SPATA17: variants seen among roughly 807,000 people sequenced by gnomAD.
The protein encoded by SPATA17 is spermatogenesis-associated protein 17.
In SPATA17, 53 loss-of-function variants were observed where a neutral mutation model predicts 62.2. That is an observed-to-expected ratio of 0.85 (90% CI 0.68 to 1.07). SPATA17 has a LOEUF of 1.07. Ranked by LOEUF, SPATA17 falls within the 50% of genes least tolerant of loss-of-function variation. SPATA17 has a pLI of 0.00. For missense variants in SPATA17, 466 were observed against 425.5 expected (o/e 1.10, Z -0.84); for synonymous variants, 146 against 146.8 (o/e 0.99, Z 0.04).
chr1:217,745,957 A>G (rs1221165919), intron 6 of SPATA17, among the ~76,000 whole-genome samples: 1 of 152,084 alleles, frequency 6.6e-6, no homozygotes, highest in Non-Finnish European at 1.5e-5. Flanking sequence ...CACACATTTC[A>G]ATCTGAGTGT....
At chr1:217,763,059 C>T (rs1385004300) in intron 6 of SPATA17, among the ~76,000 whole-genome samples, 1 of 152,192 alleles carries the variant, frequency 6.6e-6, no homozygotes, top group African/African-American at 2.4e-5. Flanking sequence ...TAGGGAAAAG[C>T]TTGAACATCA....
intron 5 of SPATA17, among the ~76,000 whole-genome samples, chr1:217,724,236 C>T (rs1458731961): frequency 6.6e-6 from 1 of 152,112 alleles, no homozygotes; most frequent in African/African-American, 2.4e-5. Flanking sequence ...TGCATTTATA[C>T]TGTTATCTTC....
chr1:217,809,774 G>A (rs890214655), intron 9 of SPATA17, among the ~76,000 whole-genome samples: 1 of 152,064 alleles, frequency 6.6e-6, no homozygotes, highest in African/African-American at 2.4e-5. Flanking sequence ...GTTTTGGTGA[G>A]AACAAACTCA....
chr1:217,840,061 T>C (rs1341316626), intron 9 of SPATA17, among the ~76,000 whole-genome samples: 1 of 152,136 alleles, frequency 6.6e-6, no homozygotes, highest in Non-Finnish European at 1.5e-5. Flanking sequence ...TATACAATTA[T>C]TGGTACATTT....
At chr1:217,683,390 G>C (rs1044433493) in intron 5 of SPATA17, 29 bp downstream of exon 5, 31 of 1,372,212 alleles carry the variant, frequency 2.3e-5, no homozygotes, top group Non-Finnish European at 3.2e-5. Flanking sequence ...CATTCACTAG[G>C]GAAAACTTTG....
chr1:217,799,369 T>C (rs1008030980), intron 8 of SPATA17, among the ~76,000 whole-genome samples: 5 of 152,072 alleles, frequency 3.3e-5, no homozygotes, highest in Non-Finnish European at 7.4e-5. Context: ...TAAAATGCAA[T>C]TCAGAAGTGA....
chr1:217,748,196 G>C (rs1320898568), intron 6 of SPATA17, among the ~76,000 whole-genome samples: 2 of 151,290 alleles, frequency 1.3e-5, no homozygotes, highest in African/African-American at 4.9e-5. Flanking sequence ...CCAGCTACTC[G>C]GGAGGCTGAG....
intron 3 of SPATA17, chr1:217,665,536 A>G (rs563612517): frequency 8.5e-5 from 13 of 152,350 alleles, no homozygotes; most frequent in Non-Finnish European, 1.6e-4. Context: ...GTTGGAAATG[A>G]TAGGTAAAAA....
chr1:217,841,828 C>A (rs1675410733), intron 9 of SPATA17, among the ~76,000 whole-genome samples: 1 of 150,834 alleles, frequency 6.6e-6, no homozygotes, highest in African/African-American at 2.4e-5. Flanking sequence ...ATCTGATATA[C>A]ATAATTTTTC....
intron 9 of SPATA17, among the ~76,000 whole-genome samples, chr1:217,858,900 T>C (rs1207551584): frequency 1.3e-5 from 2 of 151,886 alleles, no homozygotes; most frequent in African/African-American, 2.4e-5. Context: ...TGGTGATGTG[T>C]GCCTGTAATC....
intron 6 of SPATA17, among the ~76,000 whole-genome samples, chr1:217,746,160 T>C (rs942513357): frequency 5.9e-5 from 9 of 152,062 alleles, no homozygotes; most frequent in Non-Finnish European, 1.2e-4. Context: ...CAAATAAGAA[T>C]TGATACTGTT....
At chr1:217,656,300 T>TA (rs760492040) in intron 3 of SPATA17, among the ~76,000 whole-genome samples, 1 of 152,220 alleles carries the variant, frequency 6.6e-6, no homozygotes, top group Non-Finnish European at 1.5e-5. Context: ...ATTAAAAAAA[T>TA]ACTTTTAAGA....
chr1:217,650,396 TTC>T, intron 2 of SPATA17, among the ~76,000 whole-genome samples: 1 of 150,362 alleles, frequency 6.7e-6, no homozygotes, highest in Non-Finnish European at 1.5e-5. Flanking sequence ...CATGAATTCT[TTC>T]TCTCTCTCTC....
At chr1:217,671,476 A>C (rs1670831097) in intron 4 of SPATA17, among the ~76,000 whole-genome samples, 1 of 152,134 alleles carries the variant, frequency 6.6e-6, no homozygotes, top group South Asian at 2.1e-4. Flanking sequence ...TGTTCTCCCT[A>C]TGCAGTAGTC....
chr1:217,852,765 G>A (rs1675694873), intron 9 of SPATA17, among the ~76,000 whole-genome samples: 1 of 152,140 alleles, frequency 6.6e-6, no homozygotes, highest in South Asian at 2.1e-4. Flanking sequence ...TAGTGTTACA[G>A]TGACAAATTG....
intron 5 of SPATA17, among the ~76,000 whole-genome samples, chr1:217,739,256 C>T (rs1288549809): frequency 6.6e-6 from 1 of 152,100 alleles, no homozygotes; most frequent in Non-Finnish European, 1.5e-5. Flanking sequence ...AGGAAATATG[C>T]ATGGCTAATT....
At chr1:217,748,743 CAAAAAAAA>C (rs34000760) in intron 6 of SPATA17, among the ~76,000 whole-genome samples, 2 of 115,392 alleles carry the variant, frequency 1.7e-5, no homozygotes, top group Middle Eastern at 4.1e-3. Flanking sequence ...GACTCTGACT[CAAAAAAAA>C]AAAAAAAAAA....
At chr1:217,679,915 A>G (rs888883658) in intron 4 of SPATA17, among the ~76,000 whole-genome samples, 8 of 152,084 alleles carry the variant, frequency 5.3e-5, no homozygotes, top group Non-Finnish European at 1.2e-4. Context: ...GGGAATATCC[A>G]TTTCTCTGAT....
At chr1:217,634,906 G>A (rs1163555172) in intron 1 of SPATA17, among the ~76,000 whole-genome samples, 1 of 149,550 alleles carries the variant, frequency 6.7e-6, no homozygotes, top group Admixed American at 6.6e-5. Context: ...TTTTGTTGTT[G>A]TTGTTGTTGT....
Sources: gnomAD v4.1 joint callset for allele counts (sites outside exome capture counted in the v4.1 genomes callset) on GRCh38, gnomAD v4.1.1 for gene constraint, MANE v1.5 for transcripts, NCBI Gene and HGNC (gene_info 2026-07-23, HGNC 2026-07-21) for gene names.